BCAS3: variants seen among roughly 807,000 people sequenced by gnomAD.
BCAS3 encodes BCAS3 microtubule associated cell migration factor, also known as BCAS4/BCAS3 fusion.
In BCAS3, 53 loss-of-function variants were observed where a neutral mutation model predicts 116.1. The ratio of observed to expected loss-of-function variants is 0.46; its 90% CI spans 0.37 to 0.57. The LOEUF (loss-of-function observed/expected upper bound fraction) is 0.57, where lower values mean the gene tolerates loss of function less well. Ranked by LOEUF, BCAS3 falls within the 20% of genes least tolerant of loss-of-function variation. BCAS3 has a pLI of 0.00. For synonymous variants in BCAS3, 391 were observed against 408.2 expected (o/e 0.96, Z 0.51); for missense variants, 917 against 1,165.4 (o/e 0.79, Z 3.10).
chr17:60,747,179 T>C lies in BCAS3; in HGVS notation c.322-19T>C. ...CCTTCATTTTCCCACTGAAATATTT[T>C]CTTTCTTCTCTTATGCAGATCAGTG... On this transcript the variant is annotated intron_variant, in intron 5 of 23. Coordinates refer to ENST00000407086, the MANE Select transcript of BCAS3 (RefSeq NM_017679.5). The C allele has an allele frequency of 6.5e-7, 1 of 1,550,338 alleles. No individual in the cohort carries two copies. The highest frequency in any genetic ancestry group is 8.9e-7 in the Non-Finnish European group (1 of 1,128,068).
At chr17:61,042,364 C>T (rs1940540298) in intron 19 of BCAS3, among the ~76,000 whole-genome samples, 1 of 151,884 alleles carries the variant, frequency 6.6e-6, no homozygotes, top group Admixed American at 6.6e-5. Flanking sequence ...TTATAAAACA[C>T]ATAGGGGAAA....
intron 6 of BCAS3, among the ~76,000 whole-genome samples, chr17:60,765,644 T>G (rs1296811927): frequency 1.3e-5 from 2 of 152,202 alleles, no homozygotes; most frequent in Non-Finnish European, 2.9e-5. Context: ...CATTTCATCC[T>G]TGGTGAATCT....
chr17:61,291,454 A>T (rs2144704815), intron 22 of BCAS3, among the ~76,000 whole-genome samples: 1 of 152,326 alleles, frequency 6.6e-6, no homozygotes, highest in South Asian at 2.1e-4. Flanking sequence ...AACTGTTTTC[A>T]AGCCAACTGC....
In BCAS3 at chr17:60,810,583, A is replaced by G. The variant is rs866664636; in HGVS notation, c.476+2507A>G. 1.5e-5 allele frequency: 11 copies of G among 755,372 alleles called. No individual in the cohort carries two copies. In the Middle Eastern group the frequency reaches 2.8e-3, roughly 195 times the overall value. 46.8% of individuals were successfully genotyped at this position (755,372 alleles called of 1,614,324 possible). A position where few individuals can be genotyped will look rare whatever the true frequency, so the allele number is the denominator to read the frequency against. On this transcript the variant is annotated intron_variant, in intron 7 of 23. Coordinates refer to ENST00000407086, the MANE Select transcript of BCAS3 (RefSeq NM_017679.5). ...GACCATCGAGGACCTGAGGGCTCAGATCTTCCCAAATACTGTGGACAGTGC... is the reference window on the plus strand; with the variant it reads ...GACCATCGAGGACCTGAGGGCTCAGGTCTTCCCAAATACTGTGGACAGTGC...
rs80249824 is a variant in BCAS3 at position 61,371,667 on chromosome 17, C to G, written c.2593+3173C>G. Among the ~76,000 whole-genome samples the G allele has an allele frequency of 1.4e-4, 21 of 152,272 alleles. No individual in the cohort carries two copies. In the East Asian group the frequency reaches 3.9e-3, roughly 28 times the overall value. ...CCAAATGTATACATATTTCAAAACA[C>G]CATGTTGTACATGATAAATATATAT... On this transcript the variant is annotated intron_variant, in intron 23 of 23. Transcript: ENST00000407086.
intron 11 of BCAS3, among the ~76,000 whole-genome samples, chr17:60,910,237 A>G (rs1348046994): frequency 6.6e-6 from 1 of 152,190 alleles, no homozygotes; most frequent in East Asian, 1.9e-4. Flanking sequence ...CTTCTATAAA[A>G]ATATAATTGT....
intron 14 of BCAS3, among the ~76,000 whole-genome samples, chr17:60,980,026 G>C (rs564894482): frequency 2.0e-5 from 3 of 152,220 alleles, no homozygotes; most frequent in Non-Finnish European, 4.4e-5. Flanking sequence ...GAGTTAGGGA[G>C]GATTCCCTCT....
intron 22 of BCAS3, among the ~76,000 whole-genome samples, chr17:61,114,129 A>G (rs1048668502): frequency 2.8e-5 from 4 of 141,952 alleles, no homozygotes; most frequent in African/African-American, 7.8e-5. Context: ...CACAGCCAAT[A>G]TCATACTGAA....
At chr17:60,691,267 C>T (rs7208842) in intron 4 of BCAS3, among the ~76,000 whole-genome samples, 25 of 152,234 alleles carry the variant, frequency 1.6e-4, no homozygotes, top group African/African-American at 5.1e-4. Flanking sequence ...TTGAGAATTG[C>T]TGGCTTATAT....
At chr17:60,768,196 T>C (rs2044307224) in intron 6 of BCAS3, among the ~76,000 whole-genome samples, 1 of 152,198 alleles carries the variant, frequency 6.6e-6, no homozygotes, top group Admixed American at 6.5e-5. Flanking sequence ...GTATCTGTGA[T>C]TTCCTTGGTA....
rs1358292097 is a variant in BCAS3, at chr17:61,355,933, A to G, written c.2426-12394A>G. Among the ~76,000 whole-genome samples, 5 of 152,192 alleles carry G rather than the reference A, an allele frequency of 3.3e-5. No homozygotes were observed. The highest frequency in any genetic ancestry group is 9.6e-5 in the African/African-American group (4 of 41,456). On this transcript the variant is annotated intron_variant, in intron 22 of 23. Transcript: ENST00000407086. This position sits in a 1 kb window ranked among gnomAD's most constrained non-coding sequence, Gnocchi z 4.2. ...GCCATAGGAATCCTATCACAGCTCT[A>G]TGTGTATGTTTTCTATCCACCTGAA...
Position 61,366,865 on chromosome 17 carries a change from T to C in BCAS3, c.2426-1462T>C, listed in dbSNP as rs1243970979. 6.6e-6 allele frequency among the ~76,000 whole-genome samples: 1 copy of C among 152,202 alleles called. No homozygotes were observed. Among genetic ancestry groups the C allele is most frequent in the Non-Finnish European group, 1.5e-5 (1 of 68,030 alleles). Reference sequence around the variant, plus strand: ...AGCCAGTAGTGACCCTTGCCACACATATAAATCGCAGCAGGCTGGCCAAGG... The same window carrying C: ...AGCCAGTAGTGACCCTTGCCACACACATAAATCGCAGCAGGCTGGCCAAGG... On this transcript the variant is annotated intron_variant, in intron 22 of 23. Transcript: ENST00000407086. The surrounding 1 kb of genome is among the most constrained non-coding windows in gnomAD (Gnocchi z 4.5).
chr17:61,030,935 G>T (rs1446039545), intron 16 of BCAS3, among the ~76,000 whole-genome samples: 1 of 151,626 alleles, frequency 6.6e-6, no homozygotes, highest in Non-Finnish European at 1.5e-5. Flanking sequence ...AGTATGTCTT[G>T]TTCTCATGTA....
intron 19 of BCAS3, among the ~76,000 whole-genome samples, chr17:61,054,079 G>T (rs529248500): frequency 1.3e-5 from 2 of 152,352 alleles, no homozygotes; most frequent in East Asian, 3.9e-4. Flanking sequence ...CATTGTAAAT[G>T]ATGGACTTAA....
intron 22 of BCAS3, among the ~76,000 whole-genome samples, chr17:61,103,511 G>T (rs1182914313): frequency 6.6e-6 from 1 of 152,092 alleles, no homozygotes; most frequent in Non-Finnish European, 1.5e-5. Context: ...TCAAAATACT[G>T]CTGCCCAAAT....
Position 61,346,261 on chromosome 17 carries a change from G to A in BCAS3, c.2426-22066G>A, listed in dbSNP as rs907257404. ...GAAGAGGTGATGTCATCCACAAAGAGCATTTGTATTCCTTTGGAGAAGAAG... is the reference window on the plus strand; with the variant it reads ...GAAGAGGTGATGTCATCCACAAAGAACATTTGTATTCCTTTGGAGAAGAAG... On this transcript the variant is annotated intron_variant, in intron 22 of 23. Transcript: ENST00000407086. This position sits in a 1 kb window ranked among gnomAD's most constrained non-coding sequence, Gnocchi z 5.4. 1.3e-5 allele frequency among the ~76,000 whole-genome samples: 2 copies of A among 152,174 alleles called. No homozygotes were observed. The highest frequency in any genetic ancestry group is 2.9e-5 in the Non-Finnish European group (2 of 68,020).
chr17:61,338,536 CTTTAACTT>C (rs930467525), intron 22 of BCAS3, among the ~76,000 whole-genome samples: 12 of 151,972 alleles, frequency 7.9e-5, no homozygotes, highest in African/African-American at 2.9e-4. Flanking sequence ...GGAAGTGTTT[CTTTAACTT>C]TTTAATCATT....
intron 5 of BCAS3, among the ~76,000 whole-genome samples, chr17:60,714,615 G>A (rs956294485): frequency 1.3e-4 from 20 of 152,150 alleles, no homozygotes; most frequent in African/African-American, 4.6e-4. Flanking sequence ...ATTGCACCAC[G>A]GTACTCTTGC....
intron 14 of BCAS3, among the ~76,000 whole-genome samples, chr17:60,949,653 G>A (rs2060727029): frequency 6.6e-6 from 1 of 152,152 alleles, no homozygotes; most frequent in African/African-American, 2.4e-5. Context: ...GGCATACAAT[G>A]CGTAATGATC....
Sources: allele counts gnomAD v4.1 joint callset (sites outside exome capture counted in the v4.1 genomes callset), GRCh38; gene constraint gnomAD v4.1.1; non-coding constraint Gnocchi (gnomAD v3.1); transcripts MANE v1.5; gene names NCBI Gene and HGNC (gene_info 2026-07-23, HGNC 2026-07-21).